The following THSD7B variants were observed in gnomAD, a reference collection of about 807,000 sequenced individuals.
THSD7B encodes thrombospondin type 1 domain containing 7B, also known as thrombospondin type-1 domain-containing protein 7B.
A neutral mutation model predicts 213.6 loss-of-function variants in THSD7B; 138 were observed. That is an observed-to-expected ratio of 0.65 (90% confidence interval 0.56 to 0.74). The LOEUF is 0.74. Ranked by LOEUF, THSD7B falls within the 30% of genes least tolerant of loss-of-function variation. The pLI is 0.00. For missense variants in THSD7B, 1,931 were observed against 1,991.5 expected (o/e 0.97, Z 0.58); for synonymous variants, 742 against 687.0 (o/e 1.08, Z -1.25).
At chr2:137,556,915 T>C (rs1680983267) in intron 15 of THSD7B, among the ~76,000 whole-genome samples, 1 of 152,076 alleles carries the variant, frequency 6.6e-6, no homozygotes, top group Non-Finnish European at 1.5e-5. Flanking sequence ...AAACAGACTT[T>C]AAACCAACAA....
chr2:137,433,965 G>A (rs1687239899), intron 14 of THSD7B, among the ~76,000 whole-genome samples: 1 of 152,090 alleles, frequency 6.6e-6, no homozygotes. Flanking sequence ...ATTCCAGCTT[G>A]TTAAGGGCTC....
intron 2 of THSD7B, among the ~76,000 whole-genome samples, chr2:136,937,503 T>C (rs1684756101): frequency 6.6e-6 from 1 of 152,152 alleles, no homozygotes; most frequent in Non-Finnish European, 1.5e-5. Context: ...TTCTGCTGTT[T>C]TAAACAGAAA....
At chr2:137,030,928 A>G (rs1453426176) in intron 2 of THSD7B, among the ~76,000 whole-genome samples, 1 of 152,244 alleles carries the variant, frequency 6.6e-6, no homozygotes, top group Admixed American at 6.5e-5. Flanking sequence ...TTGAAATAAA[A>G]GAATTCAAAA....
At chr2:137,673,818 A>C (rs1335837281) in intron 27 of THSD7B, among the ~76,000 whole-genome samples, 1 of 152,192 alleles carries the variant, frequency 6.6e-6, no homozygotes, top group African/African-American at 2.4e-5. Flanking sequence ...TCAAAGCCAT[A>C]AAACTTCTCA....
intron 12 of THSD7B, among the ~76,000 whole-genome samples, chr2:137,339,395 A>G (rs1388693420): frequency 6.6e-6 from 1 of 151,992 alleles, no homozygotes; most frequent in Non-Finnish European, 1.5e-5. Flanking sequence ...TATCAAGAGA[A>G]TGTCTTTCTG....
intron 2 of THSD7B, among the ~76,000 whole-genome samples, chr2:136,892,832 C>A (rs1431402951): frequency 6.6e-6 from 1 of 152,056 alleles, no homozygotes; most frequent in Non-Finnish European, 1.5e-5. Context: ...GTATAAATTG[C>A]CTTTTTGTTG....
chr2:137,436,908 A>C (rs986569487), intron 14 of THSD7B, among the ~76,000 whole-genome samples: 1 of 152,120 alleles, frequency 6.6e-6, no homozygotes, highest in Non-Finnish European at 1.5e-5. Flanking sequence ...CAGGTGTGAA[A>C]TCAAAGCCAG....
At chr2:137,475,139 T>C (rs1160762713) in intron 15 of THSD7B, among the ~76,000 whole-genome samples, 2 of 152,206 alleles carry the variant, frequency 1.3e-5, no homozygotes, top group Admixed American at 6.5e-5. Context: ...TGTACTTAGA[T>C]ATACATTCAA....
rs577248069 is a variant in THSD7B at position 137,408,452 on chromosome 2, G to A, written c.2695+2645G>A. 8.5e-5 allele frequency among the ~76,000 whole-genome samples: 13 copies of A among 152,130 alleles called. No homozygotes were observed. In the South Asian group the frequency reaches 1.9e-3, roughly 22 times the overall value. The stretch of plus-strand genomic sequence containing the variant: ...TGGCCTCAAGGGAATCAGTAGACAC[G>A]ATCCTAACTTAACAGAGCTTGCGAT... On this transcript the variant is annotated intron_variant, in intron 13 of 27. Transcript: ENST00000409968.
chr2:136,995,518 T>G (rs966346803), intron 2 of THSD7B, among the ~76,000 whole-genome samples: 1 of 152,192 alleles, frequency 6.6e-6, no homozygotes, highest in African/African-American at 2.4e-5. Context: ...AAGTTTTAAT[T>G]TGAACTAGTC....
At chr2:137,223,574 TTGGC>T in intron 7 of THSD7B, among the ~76,000 whole-genome samples, 1 of 152,300 alleles carries the variant, frequency 6.6e-6, no homozygotes, top group East Asian at 1.9e-4. Flanking sequence ...TATCAACAAG[TTGGC>T]GTTATTTTTA....
At chr2:137,446,525 T>A (rs894871131) in intron 14 of THSD7B, among the ~76,000 whole-genome samples, 18 of 152,048 alleles carry the variant, frequency 1.2e-4, no homozygotes, top group African/African-American at 4.1e-4. Flanking sequence ...TTATCTGTAA[T>A]AGGATTTTTT....
chr2:137,297,856 G>A (rs747115794), intron 12 of THSD7B, among the ~76,000 whole-genome samples: 37 of 152,112 alleles, frequency 2.4e-4, no homozygotes, highest in Non-Finnish European at 4.7e-4. Context: ...CCAGCCACGT[G>A]GAACTGTAAG....
At chr2:137,109,440 G>C (rs1688308856) in intron 4 of THSD7B, among the ~76,000 whole-genome samples, 2 of 152,062 alleles carry the variant, frequency 1.3e-5, no homozygotes, top group African/African-American at 4.8e-5. Context: ...TATTTATTTT[G>C]CATGTTATTT....
At chr2:137,560,547 C>T (rs1434716564) in intron 15 of THSD7B, among the ~76,000 whole-genome samples, 1 of 152,012 alleles carries the variant, frequency 6.6e-6, no homozygotes, top group African/African-American at 2.4e-5. Context: ...GAACATCACA[C>T]ACCGGGGCCT....
chr2:136,852,740 C>G (rs1683119056), intron 1 of THSD7B, among the ~76,000 whole-genome samples: 2 of 152,086 alleles, frequency 1.3e-5, no homozygotes, highest in South Asian at 4.1e-4. Flanking sequence ...CATTTTATAA[C>G]TAAAAGAGCA....
chr2:137,675,881 G>C (rs556652401), intron 27 of THSD7B, among the ~76,000 whole-genome samples: 1 of 152,266 alleles, frequency 6.6e-6, no homozygotes, highest in Admixed American at 6.5e-5. Flanking sequence ...GAAACAAGAA[G>C]TGTACTGCAG....
chr2:137,302,184 T>G (rs1683621655), intron 12 of THSD7B, among the ~76,000 whole-genome samples: 1 of 152,092 alleles, frequency 6.6e-6, no homozygotes, highest in Non-Finnish European at 1.5e-5. Flanking sequence ...ATAGTTGATA[T>G]TTAAACAATG....
chr2:137,326,216 G>C (rs1278421708), intron 12 of THSD7B, among the ~76,000 whole-genome samples: 1 of 152,138 alleles, frequency 6.6e-6, no homozygotes, highest in Non-Finnish European at 1.5e-5. Context: ...GCAAGGAGGG[G>C]TAGATACCCA....
Sources: gnomAD v4.1 joint callset for allele counts (sites outside exome capture counted in the v4.1 genomes callset) on GRCh38, gnomAD v4.1.1 for gene constraint, MANE v1.5 for transcripts, NCBI Gene and HGNC (gene_info 2026-07-23, HGNC 2026-07-21) for gene names.